The following DLG2 variants were observed in gnomAD, a reference collection of about 807,000 sequenced individuals.
DLG2 encodes discs large MAGUK scaffold protein 2.
A neutral mutation model predicts 132.5 loss-of-function variants in DLG2; 45 were observed. The ratio of observed to expected loss-of-function variants is 0.34; its 90% CI spans 0.27 to 0.44. The LOEUF (loss-of-function observed/expected upper bound fraction) is 0.44. Among genes scored for constraint, DLG2 ranks in the 20% least tolerant of loss-of-function variants. DLG2 has a pLI of 1.00. For missense variants in DLG2, 1,045 were observed against 1,196.9 expected, an observed-to-expected ratio of 0.87 and a Z score of 1.87; for synonymous variants, 424 against 419.6, an observed-to-expected ratio of 1.01 and a Z score of -0.13.
intron 4 of DLG2, among the ~76,000 whole-genome samples, chr11:85,157,894 T>C (rs895623235): frequency 1.3e-5 from 2 of 152,118 alleles, no homozygotes; most frequent in African/African-American, 4.8e-5. Flanking sequence ...TTCCCAGTAG[T>C]GGCAACATCC....
chr11:85,457,840 TC>T (rs1419256902), intron 3 of DLG2, among the ~76,000 whole-genome samples: 1 of 152,160 alleles, frequency 6.6e-6, no homozygotes, highest in African/African-American at 2.4e-5. Flanking sequence ...TAGATGAACG[TC>T]CCTTCTCTCT....
chr11:84,534,452 C>T (rs917405280), intron 7 of DLG2, 118 bp downstream of exon 7: 30 of 1,033,784 alleles, frequency 2.9e-5, no homozygotes, highest in South Asian at 4.7e-5. Context: ...TTTGGCAACC[C>T]GTGTCCTCTA....
intron 7 of DLG2, among the ~76,000 whole-genome samples, chr11:84,372,531 A>G (rs968721324): frequency 6.6e-6 from 1 of 152,212 alleles, no homozygotes; most frequent in Admixed American, 6.5e-5. Flanking sequence ...CCCATGAACT[A>G]TCTGTGCATT....
At chr11:85,016,458 G>GAACTA (rs1381878647) in intron 6 of DLG2, among the ~76,000 whole-genome samples, 4 of 151,910 alleles carry the variant, frequency 2.6e-5, no homozygotes, top group Non-Finnish European at 5.9e-5. Flanking sequence ...TGAAACTAAT[G>GAACTA]ACTGTTCATT....
chr11:84,809,112 G>C lies in DLG2; in HGVS notation c.358-274381C>G, dbSNP rs183019033. 7.9e-4 allele frequency among the ~76,000 whole-genome samples: 120 copies of C among 152,090 alleles called. 1 individual carries two copies. The highest frequency in any genetic ancestry group is 2.8e-3 in the African/African-American group (117 of 41,530). On this transcript the variant is annotated intron_variant, in intron 6 of 27. Coordinates refer to ENST00000376104, the MANE Select transcript of DLG2 (RefSeq NM_001142699.3). ...CCATGATCAAGTGGAGGTCATCCAA[G>C]CATGCAAGACTGCTTCAGTATTTGA...
intron 6 of DLG2, among the ~76,000 whole-genome samples, chr11:84,553,729 G>A (rs1241219496): frequency 6.6e-6 from 1 of 152,132 alleles, no homozygotes; most frequent in African/African-American, 2.4e-5. Flanking sequence ...GAGAAGGTTG[G>A]TACAGTCTTA....
intron 9 of DLG2, among the ~76,000 whole-genome samples, chr11:84,126,682 AT>A (rs1413233230): frequency 1.3e-5 from 2 of 152,216 alleles, no homozygotes; most frequent in Non-Finnish European, 2.9e-5. Flanking sequence ...TAAAATGCAA[AT>A]TTAAACAATA....
intron 6 of DLG2, among the ~76,000 whole-genome samples, chr11:84,760,890 C>G (rs1458056772): frequency 2.0e-5 from 3 of 152,100 alleles, no homozygotes; most frequent in Non-Finnish European, 4.4e-5. Flanking sequence ...GGGAAGACCA[C>G]CTTCCCACTC....
rs1231007341 is a variant in DLG2 at position 84,770,826 on chromosome 11, T to C, written c.358-236095A>G. 5.3e-5 allele frequency among the ~76,000 whole-genome samples: 8 copies of C among 151,458 alleles called. No individual in the cohort carries two copies. The East Asian group carries it at 1.6e-3, about 30-fold the overall frequency. ...ACGCCTGGCTAATTTTTTTTTTTTT[T>C]TAAGTAAGGACAGGGTTTCACCGTG... On this transcript the variant is annotated intron_variant, in intron 6 of 27. Coordinates refer to ENST00000376104, the MANE Select transcript of DLG2 (RefSeq NM_001142699.3).
chr11:83,944,565 G>A (rs1384754), intron 14 of DLG2, among the ~76,000 whole-genome samples: 11,627 of 152,286 alleles, frequency 0.076, 607 homozygotes, highest in Non-Finnish European at 0.12. Flanking sequence ...CTACTGGAAT[G>A]AGGACACAGG....
intron 8 of DLG2, among the ~76,000 whole-genome samples, chr11:84,230,020 G>T (rs966409443): frequency 9.2e-5 from 14 of 151,980 alleles, no homozygotes; most frequent in Admixed American, 9.2e-4. Context: ...TTATTTTAAG[G>T]CATTAATGTC....
intron 7 of DLG2, among the ~76,000 whole-genome samples, chr11:84,413,013 G>A (rs894734820): frequency 6.6e-6 from 1 of 152,052 alleles, no homozygotes; most frequent in Non-Finnish European, 1.5e-5. Flanking sequence ...ATGCCTTCTG[G>A]TACAGACAAT....
chr11:84,736,073 A>G (rs1465829740), intron 6 of DLG2, among the ~76,000 whole-genome samples: 2 of 152,014 alleles, frequency 1.3e-5, no homozygotes, highest in South Asian at 2.1e-4. Flanking sequence ...AAATTTTTAT[A>G]TATGATATGA....
intron 4 of DLG2, among the ~76,000 whole-genome samples, chr11:85,241,785 A>T (rs2152678092): frequency 6.6e-6 from 1 of 152,050 alleles, no homozygotes; most frequent in East Asian, 1.9e-4. Flanking sequence ...CTTGCATTAG[A>T]TATGCTATGT....
intron 10 of DLG2, among the ~76,000 whole-genome samples, chr11:84,060,415 TACA>T (rs2096572722): frequency 6.6e-6 from 1 of 152,180 alleles, no homozygotes. Context: ...CGATTCATCT[TACA>T]ATATTATAAA....
chr11:84,506,114 C>T (rs1296135142), intron 7 of DLG2, among the ~76,000 whole-genome samples: 1 of 103,210 alleles, frequency 9.7e-6, no homozygotes, highest in Non-Finnish European at 1.8e-5. Context: ...CTAGCTCTGT[C>T]GCCCAGGCTG....
intron 4 of DLG2, among the ~76,000 whole-genome samples, chr11:85,268,598 G>C (rs2077353590): frequency 6.6e-6 from 1 of 152,134 alleles, no homozygotes; most frequent in South Asian, 2.1e-4. Context: ...CAAATTTTCA[G>C]GGTTCACATG....
intron 6 of DLG2, among the ~76,000 whole-genome samples, chr11:84,548,337 T>G (rs985527905): frequency 2.0e-5 from 3 of 152,156 alleles, no homozygotes; most frequent in African/African-American, 7.2e-5. Flanking sequence ...ACGTGCAGGT[T>G]TGTTACATAT....
intron 21 of DLG2, among the ~76,000 whole-genome samples, chr11:83,511,739 T>G (rs1357388894): frequency 6.6e-6 from 1 of 151,794 alleles, no homozygotes; most frequent in Non-Finnish European, 1.5e-5. Flanking sequence ...TTTTTTTTTT[T>G]TTTTTAAAGA....
Sources: gnomAD v4.1 joint callset for allele counts (sites outside exome capture counted in the v4.1 genomes callset) on GRCh38, gnomAD v4.1.1 for gene constraint, MANE v1.5 for transcripts, NCBI Gene and HGNC (gene_info 2026-07-23, HGNC 2026-07-21) for gene names.